NCOA3: variants seen among roughly 807,000 people sequenced by gnomAD.
The protein encoded by NCOA3 is CBP-interacting protein.
NCOA3 carries 51 observed loss-of-function variants against 158.8 expected under a neutral mutation model. The observed-to-expected ratio is 0.32, with a 90% CI of 0.26 to 0.41. The LOEUF (loss-of-function observed/expected upper bound fraction) is 0.41, where lower values mean the gene tolerates loss of function less well. Ranked by LOEUF, NCOA3 falls within the 10% of genes least tolerant of loss-of-function variation. The probability of loss-of-function intolerance (pLI) is 1.00; values close to 1 mark genes in which losing one functional copy is unlikely to be tolerated. For missense variants in NCOA3, 1,510 were observed against 1,746.6 expected (o/e 0.86, Z 2.41); for synonymous variants, 537 against 592.4 (o/e 0.91, Z 1.36).
At chr20:47,617,882 T>G (rs1464295130) in intron 2 of NCOA3, among the ~76,000 whole-genome samples, 1 of 152,226 alleles carries the variant, frequency 6.6e-6, no homozygotes, top group African/African-American at 2.4e-5. Context: ...ACAGTAAATG[T>G]ACCTAAGTTT....
chr20:47,635,787 G>A, intron 11 of NCOA3, 74 bp downstream of exon 11: 1 of 1,489,588 alleles, frequency 6.7e-7, no homozygotes. Context: ...TATAATTCTT[G>A]TAAAGTTAAT....
intron 1 of NCOA3, among the ~76,000 whole-genome samples, chr20:47,513,907 T>C (rs2084188148): frequency 6.6e-6 from 1 of 151,996 alleles, no homozygotes; most frequent in Admixed American, 6.6e-5. Context: ...AAATATATTA[T>C]ACATCAATTT....
chr20:47,653,172 C>G, intron 22 of NCOA3, 100 bp downstream of exon 22: 1 of 1,380,156 alleles, frequency 7.2e-7, no homozygotes, highest in Non-Finnish European at 9.9e-7. Flanking sequence ...TATATTTTAA[C>G]TTGAATGTAT....
chr20:47,509,611 A>G (rs144283228), intron 1 of NCOA3, among the ~76,000 whole-genome samples: 5 of 152,210 alleles, frequency 3.3e-5, no homozygotes, highest in African/African-American at 1.2e-4. Context: ...CCAGATTGAA[A>G]TTTGGCAATT....
At chr20:47,647,922 T>TTG (rs2086717967) in intron 18 of NCOA3, among the ~76,000 whole-genome samples, 1 of 140,556 alleles carries the variant, frequency 7.1e-6, no homozygotes, top group Non-Finnish European at 1.6e-5. Flanking sequence ...TTGTTTTGTT[T>TTG]TTTTTTTTTT....
At position 47,570,984 on chromosome 20, in the gene NCOA3, A is replaced by ATGTGTGTGTGTGTGTGTGTGTG. The variant is rs74178747; in HGVS notation, c.-98-12180_-98-12179insGTGTGTGTGTGTGTGTGTGTGT. ...CACACACACACAAGTATATACATATATGTGTGTGTGTGTGTGTGTATATAC... is the reference window on the plus strand; with the variant it reads ...CACACACACACAAGTATATACATATATGTGTGTGTGTGTGTGTGTGTGTGTGTGTGTGTGTGTGTGTATATAC... On this transcript the variant is annotated intron_variant, in intron 1 of 22. Transcript: ENST00000371998. 1.2e-3 allele frequency among the ~76,000 whole-genome samples: 148 copies of ATGTGTGTGTGTGTGTGTGTGTG among 120,826 alleles called. 1 individual carries two copies. Among genetic ancestry groups the ATGTGTGTGTGTGTGTGTGTGTG allele is most frequent in the African/African-American group, 4.6e-3 (139 of 30,226 alleles). 79.3% of individuals were successfully genotyped at this position (120,826 alleles called of 152,430 possible). A position where few individuals can be genotyped will look rare whatever the true frequency, so the allele number is the denominator to read the frequency against.
intron 1 of NCOA3, among the ~76,000 whole-genome samples, chr20:47,570,937 TATACACACAC>T (rs1471154357): frequency 5.4e-5 from 6 of 111,658 alleles, no homozygotes; most frequent in African/African-American, 1.1e-4. Flanking sequence ...CAGTAATATA[TATACACACAC>T]ACACACACAC....
chr20:47,598,153 A>G (rs1373547723), intron 2 of NCOA3, among the ~76,000 whole-genome samples: 1 of 145,608 alleles, frequency 6.9e-6, no homozygotes, highest in African/African-American at 2.5e-5. Flanking sequence ...AGGCTGAGGC[A>G]GGAGAATGGC....
chr20:47,571,010 A>ATT (rs796576962), intron 1 of NCOA3, among the ~76,000 whole-genome samples: 2 of 84,676 alleles, frequency 2.4e-5, no homozygotes, highest in African/African-American at 8.5e-5. Flanking sequence ...GTGTATATAC[A>ATT]TTTTTTTTTT....
chr20:47,576,399 A>G (rs549186899), intron 1 of NCOA3, among the ~76,000 whole-genome samples: 1 of 152,320 alleles, frequency 6.6e-6, no homozygotes, highest in Admixed American at 6.5e-5. Context: ...AGGAAAATCC[A>G]TCTCCTTTAC....
intron 1 of NCOA3, among the ~76,000 whole-genome samples, chr20:47,505,305 CTGCCTT>C (rs1390697249): frequency 5.9e-5 from 9 of 151,940 alleles, no homozygotes; most frequent in African/African-American, 2.2e-4. Context: ...GGTAATCCAC[CTGCCTT>C]GGCCTCCCAA....
Position 47,634,168 on chromosome 20 carries a change from G to C in NCOA3, c.1085G>C (p.Gly362Ala), listed in dbSNP as rs1362830093. The C allele has an allele frequency of 6.2e-7, 1 of 1,613,950 alleles. No individual in the cohort carries two copies. Among genetic ancestry groups the C allele is most frequent in the African/African-American group, 1.3e-5 (1 of 74,926 alleles). The change falls in exon 10 of 23, where the codon GGC becomes GCC. Residue 362 changes from glycine to alanine, a missense_variant. Gly to Ala is a moderately conservative substitution (Grantham distance 60). Coordinates refer to ENST00000371998, the MANE Select transcript of NCOA3 (RefSeq NM_181659.3). ...FRNPVTNDRH[G>A]FVSTHFLQRE... ...AATCCTGTAACAAATGATCGACATG[G>C]CTTTGTCTCAACCCACTTCCTTCAG...
At chr20:47,542,783 G>A (rs1015217078) in intron 1 of NCOA3, among the ~76,000 whole-genome samples, 11 of 152,068 alleles carry the variant, frequency 7.2e-5, no homozygotes, top group African/African-American at 2.7e-4. Context: ...GCAACATGGC[G>A]AAACCCCATC....
At chr20:47,567,100 T>C (rs1306623393) in intron 1 of NCOA3, among the ~76,000 whole-genome samples, 1 of 151,968 alleles carries the variant, frequency 6.6e-6, no homozygotes, top group African/African-American at 2.4e-5. Context: ...CAGGCTGGAG[T>C]GCAGTGATGT....
intron 3 of NCOA3, among the ~76,000 whole-genome samples, chr20:47,623,658 C>T (rs1170869860): frequency 6.6e-6 from 1 of 152,110 alleles, no homozygotes; most frequent in Non-Finnish European, 1.5e-5. Context: ...CGTGGTGGCG[C>T]ATGCCTGTAA....
At chr20:47,584,633 A>AT (rs1013105695) in intron 2 of NCOA3, among the ~76,000 whole-genome samples, 2 of 152,008 alleles carry the variant, frequency 1.3e-5, no homozygotes, top group Non-Finnish European at 2.9e-5. Context: ...AAAAAAAAAA[A>AT]AAGTCATAAG....
At position 47,511,573 on chromosome 20, in the gene NCOA3, G is replaced by A. The variant is rs1163501496; in HGVS notation, c.-99+9554G>A. ...TATATATATTTCTTTTTTTTTTTGA[G>A]ACGGTCTTGCTCTGTCACCCAGGCT... is the stretch of plus-strand genomic sequence containing the variant. On this transcript the variant is annotated intron_variant, in intron 1 of 22. Transcript: ENST00000371998. Among the ~76,000 whole-genome samples the A allele has an allele frequency of 3.5e-4, 5 of 14,450 alleles. 1 individual carries two copies. Among genetic ancestry groups the A allele is most frequent in the Admixed American group, 2.3e-3 (2 of 868 alleles). 9.5% of individuals were successfully genotyped at this position (14,450 alleles called of 152,430 possible).
chr20:47,532,545 C>T (rs990249641), intron 1 of NCOA3, among the ~76,000 whole-genome samples: 2 of 151,984 alleles, frequency 1.3e-5, no homozygotes, highest in African/African-American at 4.8e-5. Context: ...ATTATATTGC[C>T]CAGGCCCAGG....
chr20:47,527,387 A>G (rs899498871), intron 1 of NCOA3, among the ~76,000 whole-genome samples: 2 of 151,874 alleles, frequency 1.3e-5, no homozygotes, highest in Non-Finnish European at 2.9e-5. Context: ...CTTTACGTAT[A>G]TTTTGTTGCT....
Sources: allele counts gnomAD v4.1 joint callset (sites outside exome capture counted in the v4.1 genomes callset), GRCh38; gene constraint gnomAD v4.1.1; transcripts MANE v1.5; gene names NCBI Gene and HGNC (gene_info 2026-07-23, HGNC 2026-07-21).